Variants in METAP1D observed in about 807,000 individuals in gnomAD.
The protein encoded by METAP1D is methionyl aminopeptidase type 1D, mitochondrial.
In METAP1D, 31 loss-of-function variants were observed where a neutral mutation model predicts 40.5. The ratio of observed to expected loss-of-function variants is 0.77; its 90% CI spans 0.58 to 1.03. The LOEUF (loss-of-function observed/expected upper bound fraction) is 1.03. METAP1D is among the 50% of genes least tolerant of loss of function. The probability of loss-of-function intolerance (pLI) is 0.00; values close to 1 mark genes in which losing one functional copy is unlikely to be tolerated. For missense variants in METAP1D, 411 were observed against 420.7 expected (o/e 0.98, Z 0.20); for synonymous variants, 151 against 146.4 (o/e 1.03, Z -0.22).
rs929271797 is a variant in METAP1D, at chr2:172,081,234, C to G, written c.*828C>G. On this transcript the variant is annotated 3_prime_UTR_variant, in exon 10 of 10. Transcript: ENST00000315796. ...GCTGCACTAGGAATTCGAGCTTGGG[C>G]CCCACTCGCCCAGGTGTGAACAGTG... The G allele has an allele frequency of 2.6e-5, 4 of 151,194 alleles. No individual in the cohort carries two copies. The highest frequency in any genetic ancestry group is 9.7e-5 in the African/African-American group (4 of 41,196). The allele number at this position is 151,194 out of a possible 1,614,324, so 9.4% of individuals were successfully genotyped here.
Position 172,082,278 on chromosome 2 carries a change from G to A in METAP1D, c.*1872G>A, listed in dbSNP as rs1690736892. 2 of 152,184 alleles carry A rather than the reference G, an allele frequency of 1.3e-5. No individual in the cohort carries two copies. The allele number at this position is 152,184 out of a possible 1,614,324, so 9.4% of individuals were successfully genotyped here. A position where few individuals can be genotyped will look rare whatever the true frequency, so the allele number is the denominator to read the frequency against. ...AGCATTGTATCTTATCTGCAAATCA[G>A]TTTACTCCGAGGTTCCCCAAGGATA... On this transcript the variant is annotated 3_prime_UTR_variant, in exon 10 of 10. Coordinates refer to ENST00000315796, the MANE Select transcript of METAP1D (RefSeq NM_199227.3).
At chr2:172,005,002 A>C (rs1185397036) in intron 1 of METAP1D, among the ~76,000 whole-genome samples, 1 of 151,482 alleles carries the variant, frequency 6.6e-6, no homozygotes, top group Non-Finnish European at 1.5e-5. Context: ...AGGTCACTAC[A>C]GCCTCAACTT....
At position 172,079,087 on chromosome 2, in the gene METAP1D, C is replaced by G. The variant is rs963058649; in HGVS notation, c.803-128C>G. The stretch of plus-strand genomic sequence containing the variant: ...TATCCAGGACTCCAGAAATCTCCAC[C>G]CTTCCTTCTCTAAAAGAAGAGAAAT... On this transcript the variant is annotated intron_variant, in intron 7 of 9. Coordinates refer to ENST00000315796, the MANE Select transcript of METAP1D (RefSeq NM_199227.3). The G allele has an allele frequency of 2.0e-5, 18 of 889,290 alleles. No homozygotes were observed. In the African/African-American group the frequency reaches 3.0e-4, roughly 15 times the overall value. The allele number at this position is 889,290 out of a possible 1,614,324, so 55.1% of individuals were successfully genotyped here. A position where few individuals can be genotyped will look rare whatever the true frequency, so the allele number is the denominator to read the frequency against.
chr2:172,020,600 T>TA (rs1451899255), intron 1 of METAP1D, among the ~76,000 whole-genome samples: 30 of 152,236 alleles, frequency 2.0e-4, no homozygotes, highest in African/African-American at 7.0e-4. Flanking sequence ...GACACTGTTC[T>TA]AGTCATTGGG....
intron 1 of METAP1D, among the ~76,000 whole-genome samples, chr2:172,004,167 CT>C (rs918870826): frequency 2.6e-5 from 4 of 152,078 alleles, no homozygotes; most frequent in Non-Finnish European, 4.4e-5. Flanking sequence ...ATTTTGTTAC[CT>C]TAGTGGTTTT....
intron 1 of METAP1D, among the ~76,000 whole-genome samples, chr2:172,042,572 T>C (rs1689596198): frequency 1.8e-5 from 1 of 55,946 alleles, no homozygotes; most frequent in Admixed American, 2.1e-4. Flanking sequence ...TGCACATATA[T>C]ACATATATGT....
chr2:172,017,781 A>G (rs1355258284), intron 1 of METAP1D, among the ~76,000 whole-genome samples: 1 of 151,630 alleles, frequency 6.6e-6, no homozygotes, highest in Non-Finnish European at 1.5e-5. Flanking sequence ...GGTAATTGTC[A>G]CTAGGTAAAG....
intron 1 of METAP1D, among the ~76,000 whole-genome samples, chr2:172,009,003 G>T (rs192596640): frequency 2.3e-4 from 35 of 152,192 alleles, no homozygotes; most frequent in African/African-American, 8.4e-4. Flanking sequence ...ACGCTGTGCA[G>T]AACGGTGTGT....
At chr2:172,076,470 G>A (rs1690548241) in intron 6 of METAP1D, among the ~76,000 whole-genome samples, 1 of 152,156 alleles carries the variant, frequency 6.6e-6, no homozygotes, top group South Asian at 2.1e-4. Context: ...GCCCACCAAA[G>A]ATCCACAGAA....
intron 7 of METAP1D, among the ~76,000 whole-genome samples, chr2:172,078,328 T>C (rs1690601875): frequency 6.6e-6 from 1 of 152,208 alleles, no homozygotes; most frequent in Admixed American, 6.5e-5. Flanking sequence ...TGACAGCTGA[T>C]GTATTTAGCA....
intron 1 of METAP1D, among the ~76,000 whole-genome samples, chr2:172,057,935 CT>C (rs34383352): frequency 0.48 from 69,992 of 144,442 alleles, 17,432 homozygotes; most frequent in Middle Eastern, 0.61. Context: ...TTTGTGCAGA[CT>C]TTTTTTTTTT....
chr2:172,078,062 C>T (rs1472307437), intron 7 of METAP1D, among the ~76,000 whole-genome samples, 168 bp downstream of exon 7: 1 of 151,922 alleles, frequency 6.6e-6, no homozygotes, highest in Non-Finnish European at 1.5e-5. Flanking sequence ...TTAACCGGGA[C>T]ATTACTGTGT....
rs748642817 is a variant in METAP1D, at chr2:172,080,408, G to A, written c.*2G>A. The A allele has an allele frequency of 1.2e-5, 20 of 1,613,870 alleles. No individual in the cohort carries two copies. In the South Asian group the frequency reaches 2.0e-4, roughly 16 times the overall value. On this transcript the variant is annotated 3_prime_UTR_variant, in exon 10 of 10. Transcript: ENST00000315796. ...ACCAAACTACCCCATGAGGCCTGAG[G>A]AGCCGCCCGAAGGTCGCGGTGACCT... is the stretch of plus-strand genomic sequence containing the variant.
Position 172,023,792 on chromosome 2 carries a change from A to G in METAP1D, c.40+23783A>G, listed in dbSNP as rs567212072. Among the ~76,000 whole-genome samples, 195 of 152,296 alleles carry G rather than the reference A, an allele frequency of 1.3e-3. 1 individual carries two copies. The highest frequency in any genetic ancestry group is 4.2e-3 in the African/African-American group (173 of 41,556). ...ATAGTGAAACGTTTAGAAATGTGGT[A>G]AAGAGTAAGTATAGTAAAATGTTAA... On this transcript the variant is annotated intron_variant, in intron 1 of 9. Coordinates refer to ENST00000315796, the MANE Select transcript of METAP1D (RefSeq NM_199227.3).
At chr2:172,079,142 AC>A (rs1690627584) in intron 7 of METAP1D, 72 bp from the exon 8 acceptor site, 2 of 1,477,484 alleles carry the variant, frequency 1.4e-6, no homozygotes, top group South Asian at 2.3e-5. Flanking sequence ...AAGGGGCCTG[AC>A]CCCTGTAATC....
chr2:172,050,641 GTTC>G (rs1383109375), intron 1 of METAP1D, among the ~76,000 whole-genome samples: 1 of 152,172 alleles, frequency 6.6e-6, no homozygotes, highest in African/African-American at 2.4e-5. Flanking sequence ...TTTGCCAGAT[GTTC>G]TGTGCTAACC....
At chr2:172,051,569 G>A (rs555025856) in intron 1 of METAP1D, among the ~76,000 whole-genome samples, 4 of 152,222 alleles carry the variant, frequency 2.6e-5, no homozygotes, top group Admixed American at 1.3e-4. Flanking sequence ...ATAGTATAGC[G>A]CCAACTTCCT....
intron 6 of METAP1D, 102 bp downstream of exon 6, chr2:172,071,172 T>A (rs1690414945): frequency 9.6e-7 from 1 of 1,041,482 alleles, no homozygotes; most frequent in Non-Finnish European, 1.3e-6. Flanking sequence ...TTCAGAACCA[T>A]CATTTCAGTC....
At chr2:172,014,031 C>G (rs1201466398) in intron 1 of METAP1D, among the ~76,000 whole-genome samples, 1 of 151,858 alleles carries the variant, frequency 6.6e-6, no homozygotes, top group Non-Finnish European at 1.5e-5. Context: ...CCATATTGGC[C>G]AGGCTGATCT....
Sources: gnomAD v4.1 joint callset for allele counts (sites outside exome capture counted in the v4.1 genomes callset) on GRCh38, gnomAD v4.1.1 for gene constraint, MANE v1.5 for transcripts, NCBI Gene and HGNC (gene_info 2026-07-23, HGNC 2026-07-21) for gene names.